OTUD7A: variants seen among roughly 807,000 people sequenced by gnomAD.
OTUD7A encodes OTU deubiquitinase 7A.
A neutral mutation model predicts 65.7 loss-of-function variants in OTUD7A; 12 were observed. The observed-to-expected ratio is 0.18, with a 90% CI of 0.12 to 0.30. OTUD7A has a LOEUF of 0.30. OTUD7A is among the 10% of genes least tolerant of loss of function. OTUD7A has a pLI of 1.00. For missense variants in OTUD7A, 1,148 were observed against 1,304.8 expected, an observed-to-expected ratio of 0.88 and a Z score of 1.85; for synonymous variants, 641 against 586.3, an observed-to-expected ratio of 1.09 and a Z score of -1.35.
intron 3 of OTUD7A, among the ~76,000 whole-genome samples, chr15:31,611,662 TTAAAAA>T (rs1180385865): frequency 6.6e-6 from 1 of 151,976 alleles, no homozygotes; most frequent in Non-Finnish European, 1.5e-5. Context: ...AAATGGTAAT[TTAAAAA>T]TTACCAACAA....
intron 1 of OTUD7A, among the ~76,000 whole-genome samples, chr15:31,736,566 C>T (rs1056020855): frequency 1.3e-5 from 2 of 152,114 alleles, no homozygotes; most frequent in African/African-American, 2.4e-5. Flanking sequence ...ACGCCTCACA[C>T]TGAAGCTGTG....
chr15:31,679,968 T>C (rs1381081632), intron 1 of OTUD7A, among the ~76,000 whole-genome samples: 1 of 152,220 alleles, frequency 6.6e-6, no homozygotes, highest in Non-Finnish European at 1.5e-5. Flanking sequence ...TGGCATATTA[T>C]ATGATTGTGT....
intron 1 of OTUD7A, among the ~76,000 whole-genome samples, chr15:31,747,903 A>C (rs963516996): frequency 6.6e-6 from 1 of 152,180 alleles, no homozygotes; most frequent in African/African-American, 2.4e-5. Context: ...GCTGGCAAAA[A>C]TCCATAACAG....
chr15:31,681,530 G>A lies in OTUD7A; in HGVS notation c.-99-24453C>T, dbSNP rs368431631. On this transcript the variant is annotated intron_variant, in intron 1 of 12. Coordinates refer to ENST00000307050, the MANE Select transcript of OTUD7A (RefSeq NM_001382637.1). ...ATCTTGTTTGTGTGCATATCTACCC[G>A]TATGCCTATGAATGTATTTATCTGA... is the stretch of plus-strand genomic sequence containing the variant. Among the ~76,000 whole-genome samples, 430 of 149,712 alleles carry A rather than the reference G, an allele frequency of 2.9e-3. 7 individuals carry two copies. Among genetic ancestry groups the A allele is most frequent in the South Asian group, 0.021 (100 of 4,730 alleles).
intron 1 of OTUD7A, among the ~76,000 whole-genome samples, chr15:31,859,072 C>T (rs1456005439): frequency 6.6e-6 from 1 of 152,244 alleles, no homozygotes; most frequent in Non-Finnish European, 1.5e-5. Context: ...CACTATAAAA[C>T]TGCAAAGACA....
chr15:31,598,816 T>G (rs1889986819), intron 3 of OTUD7A, among the ~76,000 whole-genome samples: 1 of 152,120 alleles, frequency 6.6e-6, no homozygotes, highest in South Asian at 2.1e-4. Flanking sequence ...TTGAGCTTGG[T>G]AGGGGGAGGG....
At chr15:31,761,167 G>A (rs1005451473) in intron 1 of OTUD7A, among the ~76,000 whole-genome samples, 1 of 152,048 alleles carries the variant, frequency 6.6e-6, no homozygotes, top group Non-Finnish European at 1.5e-5. Context: ...ATCAACAAAA[G>A]AACAGATAAA....
chr15:31,775,120 C>A (rs905934280), intron 1 of OTUD7A, among the ~76,000 whole-genome samples: 1 of 149,826 alleles, frequency 6.7e-6, no homozygotes, highest in South Asian at 2.1e-4. Context: ...ACACACACAC[C>A]CCTCCCCTCT....
intron 1 of OTUD7A, among the ~76,000 whole-genome samples, chr15:31,821,237 G>A (rs1416855028): frequency 7.0e-6 from 1 of 143,634 alleles, no homozygotes; most frequent in Non-Finnish European, 1.5e-5. Context: ...CCGGGTTCAA[G>A]CGATTCTCCT....
At chr15:31,704,055 T>C (rs569674188) in intron 1 of OTUD7A, among the ~76,000 whole-genome samples, 90 of 128,696 alleles carry the variant, frequency 7.0e-4, no homozygotes, top group African/African-American at 2.3e-3. Flanking sequence ...AGGTTAAGAA[T>C]GAGGTTGGGT....
At position 31,483,288 on chromosome 15, in the gene OTUD7A, C is replaced by T; in HGVS notation, c.*6G>A. On this transcript the variant is annotated 3_prime_UTR_variant, in exon 13 of 13. Transcript: ENST00000307050. The stretch of plus-strand genomic sequence containing the variant: ...GAACCTCGCCGCCCGCGCCGCGCCG[C>T]GCCGCTCAGGGCCGGGCCCCGCGCG... 1 of 1,114,062 alleles carries T rather than the reference C, an allele frequency of 9.0e-7. No individual in the cohort carries two copies. The highest frequency in any genetic ancestry group is 1.1e-6 in the Non-Finnish European group (1 of 914,386). 69.0% of individuals were successfully genotyped at this position (1,114,062 alleles called of 1,614,324 possible). A position where few individuals can be genotyped will look rare whatever the true frequency, so the allele number is the denominator to read the frequency against.
chr15:31,767,948 A>G (rs1386729566), intron 1 of OTUD7A: 6 of 1,554,184 alleles, frequency 3.9e-6, no homozygotes, highest in African/African-American at 2.7e-5. Flanking sequence ...CCTCCCTTTG[A>G]TATCTTCAAT....
chr15:31,523,419 G>A (rs2041965205), intron 8 of OTUD7A, among the ~76,000 whole-genome samples: 1 of 152,208 alleles, frequency 6.6e-6, no homozygotes, highest in African/African-American at 2.4e-5. Flanking sequence ...CTCTCTGCCA[G>A]TTGAGGGGCT....
intron 8 of OTUD7A, among the ~76,000 whole-genome samples, chr15:31,506,832 C>T (rs951225359): frequency 3.5e-4 from 53 of 152,124 alleles, no homozygotes; most frequent in African/African-American, 1.2e-3. Flanking sequence ...TAGGAAATAG[C>T]AGAGAGAGCT....
chr15:31,778,912 G>A (rs1895463456), intron 1 of OTUD7A, among the ~76,000 whole-genome samples: 1 of 152,090 alleles, frequency 6.6e-6, no homozygotes, highest in Non-Finnish European at 1.5e-5. Flanking sequence ...ATGCAGACAT[G>A]AATTCTTGGG....
intron 1 of OTUD7A, among the ~76,000 whole-genome samples, chr15:31,686,506 C>A (rs1892840209): frequency 6.6e-6 from 1 of 152,262 alleles, no homozygotes; most frequent in Non-Finnish European, 1.5e-5. Flanking sequence ...GCACTTCACT[C>A]CTCCCATAAC....
rs527317912 is a variant in OTUD7A at position 31,769,349 on chromosome 15, T to C, written c.-100+101158A>G. On this transcript the variant is annotated intron_variant, in intron 1 of 12. Coordinates refer to ENST00000307050, the MANE Select transcript of OTUD7A (RefSeq NM_001382637.1). ...AAACAATCCCAAATGTGTATGCACC[T>C]AACAACAGAGCTTCAAATTACATGA... Among the ~76,000 whole-genome samples the C allele has an allele frequency of 2.6e-5, 4 of 152,316 alleles. No homozygotes were observed. In the South Asian group the frequency reaches 8.3e-4, roughly 32 times the overall value.
intron 1 of OTUD7A, among the ~76,000 whole-genome samples, chr15:31,816,710 C>A (rs1432245470): frequency 4.6e-4 from 70 of 152,134 alleles, no homozygotes; most frequent in African/African-American, 1.7e-3. Flanking sequence ...ATTAGAATCA[C>A]ATGTTAAACA....
At chr15:31,601,362 T>C (rs1324722342) in intron 3 of OTUD7A, among the ~76,000 whole-genome samples, 1 of 152,154 alleles carries the variant, frequency 6.6e-6, no homozygotes, top group Non-Finnish European at 1.5e-5. Context: ...GAATGACTCC[T>C]GGGTAAATAA....
Sources: gnomAD v4.1 joint callset for allele counts (sites outside exome capture counted in the v4.1 genomes callset) on GRCh38, gnomAD v4.1.1 for gene constraint, MANE v1.5 for transcripts, NCBI Gene and HGNC (gene_info 2026-07-23, HGNC 2026-07-21) for gene names.